The following RANBP10 variants were observed in gnomAD, a reference collection of about 807,000 sequenced individuals.
RANBP10 encodes ran-binding protein 10.
A neutral mutation model predicts 72.8 loss-of-function variants in RANBP10; 24 were observed. The ratio of observed to expected loss-of-function variants is 0.33; its 90% confidence interval spans 0.24 to 0.46. RANBP10 has a LOEUF of 0.46. RANBP10 is among the 20% of genes least tolerant of loss of function. The pLI, the probability that RANBP10 is intolerant of heterozygous loss-of-function variation, is 1.00. For missense variants in RANBP10, 679 were observed against 817.5 expected, an observed-to-expected ratio of 0.83 and a Z score of 2.07; for synonymous variants, 310 against 322.3, an observed-to-expected ratio of 0.96 and a Z score of 0.41.
chr16:67,806,518 C>G lies in RANBP10; in HGVS notation c.19G>C (p.Asp7His), dbSNP rs202105056. 19 of 1,510,018 alleles carry G rather than the reference C, an allele frequency of 1.3e-5. No individual in the cohort carries two copies. The South Asian group carries it at 2.1e-4, about 17-fold the overall frequency. 93.5% of individuals were successfully genotyped at this position (1,510,018 alleles called of 1,614,324 possible). Residue 7 changes from aspartate (D) to histidine (H), a missense_variant, in exon 1 of 14, where the codon GAC becomes CAC. By Grantham distance (81) the Asp-to-His change is moderately conservative. Transcript: ENST00000317506. ...GGCTGCGGGTTCCCAGCTCCCGGGT[C>G]TGCCGTCGCTGCCGCCATCTTGGAG... is the stretch of plus-strand genomic sequence containing the variant. Reference protein sequence around the residue: MAAATADPGAGNPQPGD... With the variant: MAAATAHPGAGNPQPGD...
At chr16:67,753,861 G>A (rs1404171519) in intron 3 of RANBP10, among the ~76,000 whole-genome samples, 3 of 152,108 alleles carry the variant, frequency 2.0e-5, no homozygotes, top group East Asian at 1.9e-4. Flanking sequence ...GAGGCTGGTC[G>A]CGGTGGCTCA....
intron 2 of RANBP10, among the ~76,000 whole-genome samples, chr16:67,801,240 G>A (rs1011123338): frequency 3.9e-5 from 6 of 152,100 alleles, no homozygotes; most frequent in Admixed American, 2.0e-4. Flanking sequence ...GATCAAGCCC[G>A]GCCCAGAGCA....
intron 2 of RANBP10, among the ~76,000 whole-genome samples, chr16:67,792,548 C>T (rs1197270537): frequency 2.8e-5 from 4 of 144,182 alleles, no homozygotes; most frequent in Non-Finnish European, 1.5e-5. Flanking sequence ...GGTGACAGAG[C>T]GAGACTCCAT....
At chr16:67,790,553 C>T (rs1448873600) in intron 2 of RANBP10, among the ~76,000 whole-genome samples, 3 of 151,658 alleles carry the variant, frequency 2.0e-5, no homozygotes, top group Admixed American at 6.6e-5. Flanking sequence ...TGGCTTTTCC[C>T]GATGAGACAA....
rs570113541 is a variant in RANBP10, at chr16:67,788,655, G to T, written c.348-16569C>A. 5.3e-5 allele frequency among the ~76,000 whole-genome samples: 8 copies of T among 151,892 alleles called. No individual in the cohort carries two copies. The South Asian group carries it at 1.7e-3, about 31-fold the overall frequency. ...TCTGCCTGCCTTGGCCTCCCAAAGT[G>T]CTGGGATTACAGGCATGAGCCACCG... On this transcript the variant is annotated intron_variant, in intron 2 of 13. Transcript: ENST00000317506.
chr16:67,804,827 C>T (rs2055311906), intron 2 of RANBP10, among the ~76,000 whole-genome samples: 1 of 152,126 alleles, frequency 6.6e-6, no homozygotes, highest in Admixed American at 6.6e-5. Flanking sequence ...CCGTGCCTGG[C>T]TCCTAATGCT....
chr16:67,751,291 T>C (rs907186616), intron 3 of RANBP10, among the ~76,000 whole-genome samples: 11 of 152,184 alleles, frequency 7.2e-5, no homozygotes, highest in Non-Finnish European at 1.5e-4. Context: ...AAATAAGTAT[T>C]TTAAACACTT....
At chr16:67,750,581 A>T (rs558616946) in intron 3 of RANBP10, among the ~76,000 whole-genome samples, 1 of 152,262 alleles carries the variant, frequency 6.6e-6, no homozygotes, top group South Asian at 2.1e-4. Flanking sequence ...CAGGAGTCTG[A>T]CAAGTGGTAC....
At chr16:67,747,812 CT>C (rs1375628905) in intron 3 of RANBP10, among the ~76,000 whole-genome samples, 1 of 136,628 alleles carries the variant, frequency 7.3e-6, no homozygotes, top group African/African-American at 2.7e-5. Flanking sequence ...GCCTCATTTT[CT>C]TTTCTTTTTT....
intron 1 of RANBP10, 63 bp downstream of exon 1, chr16:67,806,239 T>G (rs1597946057): frequency 1.4e-6 from 2 of 1,458,976 alleles, no homozygotes; most frequent in Non-Finnish European, 1.9e-6. Flanking sequence ...GGCGGGGGCC[T>G]GGCAGCAGAG....
At position 67,729,663 on chromosome 16, in the gene RANBP10, T is replaced by C; in HGVS notation, c.1147+17A>G. 6.2e-7 allele frequency: 1 copy of C among 1,602,788 alleles called. No individual in the cohort carries two copies. Among genetic ancestry groups the C allele is most frequent in the Admixed American group, 1.7e-5 (1 of 59,288 alleles). The stretch of plus-strand genomic sequence containing the variant: ...TCCACACCAGTTCTTCCCAGAGCCC[T>C]CTGGAGAGTGGCTGACCTGTGTTGT... On this transcript the variant is annotated intron_variant, in intron 9 of 13. Transcript: ENST00000317506. The surrounding 1 kb of genome is among the most constrained non-coding windows in gnomAD (Gnocchi z 7.1).
In RANBP10 at chr16:67,738,052, A is replaced by ACAGT; in HGVS notation, c.569-21_569-18dup. The ACAGT allele has an allele frequency of 6.3e-7, 1 of 1,585,968 alleles. No homozygotes were observed. The highest frequency in any genetic ancestry group is 8.6e-7 in the Non-Finnish European group (1 of 1,164,904). Reference sequence around the variant, plus strand: ...AGGCTATACCTGTGGGGGGAAAGGAACAGTCATCAGGGCCAGCCCCTGGGG... The same window carrying ACAGT: ...AGGCTATACCTGTGGGGGGAAAGGAACAGTCAGTCATCAGGGCCAGCCCCTGGGG... On this transcript the variant is annotated splice_polypyrimidine_tract_variant and intron_variant, in intron 4 of 13. Transcript: ENST00000317506.
At position 67,738,022 on chromosome 16, in the gene RANBP10, T is replaced by C. The variant is rs1322131352; in HGVS notation, c.582A>G (p.Thr194=). The C allele has an allele frequency of 1.9e-6, 3 of 1,590,712 alleles. No individual in the cohort carries two copies. The East Asian group carries it at 6.8e-5, about 36-fold the overall frequency. ...CAATAGTAGTACTCACCGGGAGGTC[T>C]GTGAAGGCTATACCTGTGGGGGGAA... ...KNGHSLGIAF[T]DLPANLYPTV... The change falls in exon 5 of 14, where the codon ACA becomes ACG. Residue 194 remains threonine, a synonymous_variant. Coordinates refer to ENST00000317506, the MANE Select transcript of RANBP10 (RefSeq NM_020850.3).
At chr16:67,728,849 G>T (rs960139773) in intron 10 of RANBP10, among the ~76,000 whole-genome samples, 1 of 152,234 alleles carries the variant, frequency 6.6e-6, no homozygotes, top group Admixed American at 6.5e-5. Context: ...TGTGGCCTTG[G>T]TTGGAAGCCA....
chr16:67,805,445 G>A lies in RANBP10; in HGVS notation c.330C>T (p.Val110=), dbSNP rs1567722171. Reference sequence around the variant, plus strand: ...GGGCTTACCCATCTCTTCCTTTGCTGACAATCTTCACTTCAAAGTAATAAA... The same window carrying A: ...GGGCTTACCCATCTCTTCCTTTGCTAACAATCTTCACTTCAAAGTAATAAA... The part of the protein sequence containing the change: ...CGIYYFEVKI[V]SKGRDGYMGI... Residue 110 remains valine (V), a synonymous_variant, in exon 2 of 14, where the codon GTC becomes GTT. Coordinates refer to ENST00000317506, the MANE Select transcript of RANBP10 (RefSeq NM_020850.3). 6.2e-7 allele frequency: 1 copy of A among 1,614,010 alleles called. No individual in the cohort carries two copies. Among genetic ancestry groups the A allele is most frequent in the Non-Finnish European group, 8.5e-7 (1 of 1,179,960 alleles).
chr16:67,795,672 G>A (rs981881103), intron 2 of RANBP10, among the ~76,000 whole-genome samples: 9 of 151,288 alleles, frequency 5.9e-5, no homozygotes, highest in African/African-American at 1.7e-4. Context: ...TCGAGACCAC[G>A]GTGAAACCCC....
chr16:67,748,113 C>A (rs1327392510), intron 3 of RANBP10, among the ~76,000 whole-genome samples: 1 of 151,978 alleles, frequency 6.6e-6, no homozygotes, highest in Non-Finnish European at 1.5e-5. Flanking sequence ...GCGTGAGCCA[C>A]TGCGCCCGGC....
rs1472825519 is a variant in RANBP10 at position 67,723,740 on chromosome 16, C to T, written c.*2688G>A. The T allele has an allele frequency of 6.6e-6, 1 of 152,286 alleles. No individual in the cohort carries two copies. Among genetic ancestry groups the T allele is most frequent in the Non-Finnish European group, 1.5e-5 (1 of 68,090 alleles). 9.4% of individuals were successfully genotyped at this position (152,286 alleles called of 1,614,324 possible). A position where few individuals can be genotyped will look rare whatever the true frequency, so the allele number is the denominator to read the frequency against. On this transcript the variant is annotated 3_prime_UTR_variant, in exon 14 of 14. Transcript: ENST00000317506. ...AGGTCTTCCTCCTGCCTCCATGGGT[C>T]AGGTCCAGCCCTTCACCAGGGCTCC...
intron 2 of RANBP10, among the ~76,000 whole-genome samples, chr16:67,781,137 GGAGGCT>G (rs1406581260): frequency 6.6e-6 from 1 of 152,222 alleles, no homozygotes; most frequent in Non-Finnish European, 1.5e-5. Context: ...GCGCAGTGCC[GGAGGCT>G]GAAGGTGGAT....
Sources: allele counts gnomAD v4.1 joint callset (sites outside exome capture counted in the v4.1 genomes callset), GRCh38; gene constraint gnomAD v4.1.1; non-coding constraint Gnocchi (gnomAD v3.1); transcripts MANE v1.5; gene names NCBI Gene and HGNC (gene_info 2026-07-23, HGNC 2026-07-21).